The following ENTREP2 variants were observed in gnomAD, a reference collection of about 807,000 sequenced individuals.
The protein encoded by ENTREP2 is endosomal transmembrane epsin interactor 2, also known as protein ENTREP2.
the ENTREP2 span, among the ~76,000 whole-genome samples, chr15:29,317,999 G>A: frequency 5.9e-5 from 9 of 152,264 alleles, no homozygotes; most frequent in South Asian, 1.5e-3. Context: ...AATGTCCACC[G>A]AAACATGGCT....
chr15:29,442,965 G>A, the ENTREP2 span, among the ~76,000 whole-genome samples: 1 of 152,204 alleles, frequency 6.6e-6, no homozygotes, highest in African/African-American at 2.4e-5. Flanking sequence ...TCACTGGACA[G>A]AAACCAGGGG....
At chr15:29,384,854 A>G in the ENTREP2 span, among the ~76,000 whole-genome samples, 2 of 152,146 alleles carry the variant, frequency 1.3e-5, no homozygotes, top group Non-Finnish European at 2.9e-5. Flanking sequence ...TCTGCCTAGG[A>G]TGAAACTTCC....
At chr15:29,206,930 G>A in the ENTREP2 span, among the ~76,000 whole-genome samples, 6 of 151,936 alleles carry the variant, frequency 3.9e-5, no homozygotes, top group East Asian at 1.2e-3. Context: ...CACCAACATC[G>A]ACAGTTTGGG....
the ENTREP2 span, among the ~76,000 whole-genome samples, chr15:29,609,020 C>T: frequency 6.6e-6 from 1 of 151,148 alleles, no homozygotes; most frequent in African/African-American, 2.4e-5. Flanking sequence ...TCATGCCTCA[C>T]CCCCTTGCTT....
the ENTREP2 span, among the ~76,000 whole-genome samples, chr15:29,208,042 T>C: frequency 0.36 from 54,581 of 151,976 alleles, 10,265 homozygotes; most frequent in East Asian, 0.65. Flanking sequence ...CCTGGGGGGC[T>C]TACAAATGCC....
the ENTREP2 span, among the ~76,000 whole-genome samples, chr15:29,321,185 T>C: frequency 1.3e-5 from 2 of 151,862 alleles, no homozygotes; most frequent in African/African-American, 4.8e-5. Flanking sequence ...CAAGAGAAGA[T>C]CTAGAAAGAA....
chr15:29,660,671 A>G, the ENTREP2 span, among the ~76,000 whole-genome samples: 1 of 152,216 alleles, frequency 6.6e-6, no homozygotes, highest in African/African-American at 2.4e-5. Context: ...CTTTCTGACA[A>G]GTAGTAGTGC....
the ENTREP2 span, chr15:29,151,984 TC>T: frequency 1.5e-6 from 1 of 659,036 alleles, no homozygotes; most frequent in Non-Finnish European, 2.7e-6. Context: ...GTCTGTGTTT[TC>T]CTCATAATCA....
At chr15:29,355,955 T>C in the ENTREP2 span, among the ~76,000 whole-genome samples, 1 of 152,088 alleles carries the variant, frequency 6.6e-6, no homozygotes. Context: ...GAATAAAAAA[T>C]GCTAATTTAC....
chr15:29,243,321 C>T, the ENTREP2 span, among the ~76,000 whole-genome samples: 47 of 152,180 alleles, frequency 3.1e-4, no homozygotes, highest in Non-Finnish European at 5.0e-4. Flanking sequence ...CATGCAATGA[C>T]GTTAGAAATT....
the ENTREP2 span, chr15:29,570,511 G>T: frequency 7.2e-7 from 1 of 1,388,570 alleles, no homozygotes; most frequent in African/African-American, 1.5e-5. Flanking sequence ...TCACCGAGAA[G>T]CCTGCCCAGA....
chr15:29,556,771 C>CAA, the ENTREP2 span, among the ~76,000 whole-genome samples: 1 of 42,950 alleles, frequency 2.3e-5, no homozygotes, highest in Non-Finnish European at 6.9e-5. Context: ...TGCCCCCCCC[C>CAA]CGCCCCACAT....
the ENTREP2 span, among the ~76,000 whole-genome samples, chr15:29,163,810 A>G: frequency 1.3e-5 from 2 of 152,214 alleles, no homozygotes; most frequent in Non-Finnish European, 2.9e-5. Context: ...CAAGAAGAAC[A>G]AAGAACACCT....
chr15:29,411,498 CTATG>C, the ENTREP2 span, among the ~76,000 whole-genome samples: 10 of 152,186 alleles, frequency 6.6e-5, no homozygotes, highest in Non-Finnish European at 1.0e-4. Context: ...CATGAAATGC[CTATG>C]TAAGCATTTT....
the ENTREP2 span, among the ~76,000 whole-genome samples, chr15:29,649,612 T>C: frequency 1.3e-5 from 2 of 151,314 alleles, no homozygotes; most frequent in African/African-American, 4.9e-5. Flanking sequence ...TCCCAGCTAC[T>C]TGGAGGCTGA....
the ENTREP2 span, among the ~76,000 whole-genome samples, chr15:29,248,931 T>C: frequency 2.0e-5 from 3 of 152,216 alleles, no homozygotes; most frequent in African/African-American, 7.2e-5. Context: ...ATAATGGCCA[T>C]CTCTCTAATT....
the ENTREP2 span, chr15:29,675,352 G>A: frequency 6.6e-6 from 1 of 152,002 alleles, no homozygotes; most frequent in Admixed American, 6.6e-5. Context: ...TGGCCGCCGC[G>A]AGCCCGCGCG....
chr15:29,259,092 G>C, the ENTREP2 span, among the ~76,000 whole-genome samples: 5 of 152,176 alleles, frequency 3.3e-5, no homozygotes, highest in Non-Finnish European at 7.3e-5. Context: ...AAAGAGGTTG[G>C]CATTCAAGGA....
chr15:29,433,370 T>G, the ENTREP2 span, among the ~76,000 whole-genome samples: 6 of 152,328 alleles, frequency 3.9e-5, 1 homozygote, highest in South Asian at 1.2e-3. Context: ...CCTTTCCTTT[T>G]TGAACTAATG....
Sources: gnomAD v4.1 joint callset for allele counts (sites outside exome capture counted in the v4.1 genomes callset) on GRCh38, gnomAD v4.1.1 for gene constraint, MANE v1.5 for transcripts, NCBI Gene and HGNC (gene_info 2026-07-23, HGNC 2026-07-21) for gene names.